Variants in STK33 observed in about 807,000 individuals in gnomAD.
The protein encoded by STK33 is serine/threonine-protein kinase 33.
In STK33, 52 loss-of-function variants were observed where a neutral mutation model predicts 58.0. The observed-to-expected ratio is 0.90, with a 90% CI of 0.72 to 1.13. STK33 has a LOEUF of 1.13. Ranked by LOEUF, STK33 falls within the 50% of genes most tolerant of loss-of-function variation. The pLI, the probability that STK33 is intolerant of heterozygous loss-of-function variation, is 0.00. For synonymous variants in STK33, 215 were observed against 200.1 expected, an observed-to-expected ratio of 1.07 and a Z score of -0.63; for missense variants, 630 against 604.2, an observed-to-expected ratio of 1.04 and a Z score of -0.45.
the STK33 span, among the ~76,000 whole-genome samples, chr11:8,378,895 A>C: frequency 1.3e-5 from 2 of 152,220 alleles, no homozygotes; most frequent in Non-Finnish European, 2.9e-5. Flanking sequence ...TTCAAATTAT[A>C]CTACAAGGCT....
At chr11:8,402,618 TA>T (rs72274505) in intron 15 of STK33, among the ~76,000 whole-genome samples, 1 of 151,700 alleles carries the variant, frequency 6.6e-6, no homozygotes, top group African/African-American at 2.4e-5. Flanking sequence ...ATTATAATAA[TA>T]AAAAAAAGAA....
intron 6 of STK33, among the ~76,000 whole-genome samples, chr11:8,471,048 C>T (rs1316770802): frequency 6.6e-6 from 1 of 152,076 alleles, no homozygotes; most frequent in East Asian, 1.9e-4. Context: ...CTGCAGAGTG[C>T]AATAAATCAA....
chr11:8,337,584 C>T, the STK33 span, among the ~76,000 whole-genome samples: 9 of 141,070 alleles, frequency 6.4e-5, no homozygotes, highest in African/African-American at 7.9e-5. Flanking sequence ...CGCGGAGCCA[C>T]GGAGCCACGA....
intron 15 of STK33, among the ~76,000 whole-genome samples, chr11:8,399,822 C>T (rs539959661): frequency 8.4e-4 from 128 of 152,320 alleles, no homozygotes; most frequent in African/African-American, 3.0e-3. Context: ...AAACTACCAT[C>T]AGAGAATACT....
intron 1 of STK33, among the ~76,000 whole-genome samples, chr11:8,587,138 A>C (rs1389113687): frequency 1.3e-5 from 2 of 152,230 alleles, no homozygotes; most frequent in African/African-American, 4.8e-5. Flanking sequence ...AAAGAGCTAT[A>C]ACAGATTCAG....
At chr11:8,582,766 C>T (rs908129686) in intron 1 of STK33, among the ~76,000 whole-genome samples, 1 of 152,158 alleles carries the variant, frequency 6.6e-6, no homozygotes, top group African/African-American at 2.4e-5. Flanking sequence ...TTAAAATTTT[C>T]ATCCATATCA....
intron 1 of STK33, among the ~76,000 whole-genome samples, chr11:8,589,870 T>C (rs547358993): frequency 6.6e-6 from 1 of 152,330 alleles, no homozygotes; most frequent in African/African-American, 2.4e-5. Flanking sequence ...AGAGAAAAAT[T>C]AATTGGATTT....
chr11:8,423,977 G>A (rs991817923), intron 14 of STK33, among the ~76,000 whole-genome samples: 1 of 151,782 alleles, frequency 6.6e-6, no homozygotes, highest in African/African-American at 2.4e-5. Context: ...TGATTTGTTT[G>A]TGTTAAGGTA....
Position 8,392,446 on chromosome 11 carries a change from C to A in STK33, c.*64G>T. On this transcript the variant is annotated 3_prime_UTR_variant, in exon 16 of 16. Transcript: ENST00000687296. Reference sequence around the variant, plus strand: ...ATAGGGCTGTCTTCTTCCCCTCCTACCCCCTCATCAAAGTGCTAACAAGAG... The same window carrying A: ...ATAGGGCTGTCTTCTTCCCCTCCTAACCCCTCATCAAAGTGCTAACAAGAG... The A allele has an allele frequency of 3.2e-6, 5 of 1,584,598 alleles. No individual in the cohort carries two copies. The highest frequency in any genetic ancestry group is 4.3e-6 in the Non-Finnish European group (5 of 1,156,868).
At chr11:8,358,279 G>A in the STK33 span, among the ~76,000 whole-genome samples, 884 of 115,550 alleles carry the variant, frequency 7.7e-3, 5 homozygotes, top group African/African-American at 0.022. Context: ...AGCTTGGGGT[G>A]GGGGGGCATG....
chr11:8,354,271 C>G, the STK33 span, among the ~76,000 whole-genome samples: 1 of 151,992 alleles, frequency 6.6e-6, no homozygotes, highest in African/African-American at 2.4e-5. Flanking sequence ...CCAGAATCCT[C>G]CCATCCCTAC....
the STK33 span, among the ~76,000 whole-genome samples, chr11:8,379,601 T>C: frequency 6.6e-6 from 1 of 152,150 alleles, no homozygotes; most frequent in Non-Finnish European, 1.5e-5. Context: ...GGTACCACAT[T>C]ACTCTTGAAG....
At chr11:8,343,515 T>C in the STK33 span, among the ~76,000 whole-genome samples, 2 of 152,016 alleles carry the variant, frequency 1.3e-5, no homozygotes, top group South Asian at 4.1e-4. Flanking sequence ...CCAGACCACA[T>C]AAAGTACTGC....
chr11:8,458,434 A>AC (rs1258596217), intron 8 of STK33, among the ~76,000 whole-genome samples: 2 of 151,986 alleles, frequency 1.3e-5, no homozygotes, highest in East Asian at 3.9e-4. Context: ...AAAAAAAAAA[A>AC]AACAGGTAGC....
At chr11:8,525,431 C>T (rs1210628160) in intron 1 of STK33, among the ~76,000 whole-genome samples, 1 of 152,104 alleles carries the variant, frequency 6.6e-6, no homozygotes, top group Non-Finnish European at 1.5e-5. Flanking sequence ...AGAACAGTGA[C>T]ACAGAAACAG....
intron 1 of STK33, among the ~76,000 whole-genome samples, chr11:8,491,332 G>T (rs7932831): frequency 0.22 from 33,118 of 152,096 alleles, 3,833 homozygotes; most frequent in Middle Eastern, 0.31. Context: ...TCAAGTGGAA[G>T]AAAGGGTATC....
the STK33 span, among the ~76,000 whole-genome samples, chr11:8,357,992 C>T: frequency 6.6e-6 from 1 of 152,218 alleles, no homozygotes; most frequent in Non-Finnish European, 1.5e-5. Flanking sequence ...CCTGTATGGC[C>T]AGAGTCTCTC....
chr11:8,455,670 G>A (rs916332578), intron 9 of STK33, among the ~76,000 whole-genome samples: 2 of 151,930 alleles, frequency 1.3e-5, no homozygotes, highest in Non-Finnish European at 1.5e-5. Context: ...AATCAGCCAG[G>A]CATGGTGGCG....
intron 15 of STK33, among the ~76,000 whole-genome samples, chr11:8,395,301 G>A (rs957743289): frequency 2.6e-5 from 4 of 152,246 alleles, no homozygotes; most frequent in Admixed American, 1.3e-4. Flanking sequence ...TAAGTCTCAC[G>A]AAATCTGATG....
Sources: gnomAD v4.1 joint callset for allele counts (sites outside exome capture counted in the v4.1 genomes callset) on GRCh38, gnomAD v4.1.1 for gene constraint, MANE v1.5 for transcripts, NCBI Gene and HGNC (gene_info 2026-07-23, HGNC 2026-07-21) for gene names.